DPP6: variants seen among roughly 807,000 people sequenced by gnomAD.
DPP6 encodes the protein A-type potassium channel modulatory protein DPP6.
In DPP6, 69 loss-of-function variants were observed where a neutral mutation model predicts 122.6. That is an observed-to-expected ratio of 0.56 (90% CI 0.46 to 0.69). DPP6 has a LOEUF of 0.69. Among genes scored for constraint, DPP6 ranks in the 30% least tolerant of loss-of-function variants. The pLI is 0.00. For missense variants in DPP6, 928 were observed against 1,116.9 expected, an observed-to-expected ratio of 0.83 and a Z score of 2.41; for synonymous variants, 418 against 433.1, an observed-to-expected ratio of 0.97 and a Z score of 0.43.
chr7:154,831,049 C>A (rs191110591), intron 16 of DPP6, among the ~76,000 whole-genome samples: 3 of 152,340 alleles, frequency 2.0e-5, no homozygotes, highest in Non-Finnish European at 4.4e-5. Flanking sequence ...ACCGTGTCAT[C>A]CCCACGGTGA....
intron 16 of DPP6, among the ~76,000 whole-genome samples, chr7:154,834,239 A>G (rs2316529): frequency 0.96 from 145,380 of 150,688 alleles, 70,188 homozygotes; most frequent in East Asian, 1. Flanking sequence ...AGGCCGAGGC[A>G]GGCGGATCCC....
chr7:154,657,829 A>G (rs1837370987), intron 6 of DPP6, among the ~76,000 whole-genome samples: 1 of 152,120 alleles, frequency 6.6e-6, no homozygotes, highest in African/African-American at 2.4e-5. Context: ...AAGGAAAGAG[A>G]CTGGTGGAGC....
At chr7:154,503,645 C>A (rs1284382533) in intron 3 of DPP6, among the ~76,000 whole-genome samples, 2 of 151,132 alleles carry the variant, frequency 1.3e-5, no homozygotes, top group Non-Finnish European at 1.5e-5. Flanking sequence ...TTTCAAGAAA[C>A]CTGTGACCCT....
chr7:154,875,716 C>T lies in DPP6; in HGVS notation c.1884-190C>T, dbSNP rs540144862. Among the ~76,000 whole-genome samples the T allele has an allele frequency of 3.9e-5, 6 of 152,248 alleles. No homozygotes were observed. The East Asian group carries it at 1.2e-3, about 29-fold the overall frequency. ...GGCTCTTGGAGGTCTCCTCTTCCTC[C>T]TCACTTTATGGGGTGTGGATAACAC... is the stretch of plus-strand genomic sequence containing the variant. On this transcript the variant is annotated intron_variant, in intron 19 of 25. Transcript: ENST00000377770. This position sits in a 1 kb window ranked among gnomAD's most constrained non-coding sequence, Gnocchi z 4.5.
chr7:154,860,133 C>T lies in DPP6; in HGVS notation c.1714+6306C>T, dbSNP rs369040199. Among the ~76,000 whole-genome samples the T allele has an allele frequency of 3.2e-4, 48 of 152,314 alleles. No homozygotes were observed. The East Asian group carries it at 6.8e-3, about 21-fold the overall frequency. ...GCCCAGGTGGGTCCATGAAGCAACGCCAGATGCAGTTGGTTTCCAGCCTCT... is the reference window on the plus strand; with the variant it reads ...GCCCAGGTGGGTCCATGAAGCAACGTCAGATGCAGTTGGTTTCCAGCCTCT... On this transcript the variant is annotated intron_variant, in intron 17 of 25. Transcript: ENST00000377770.
chr7:154,874,677 A>G (rs1362163097), intron 19 of DPP6, among the ~76,000 whole-genome samples: 1 of 152,156 alleles, frequency 6.6e-6, no homozygotes, highest in Non-Finnish European at 1.5e-5. Context: ...CAGCTGGGAG[A>G]GTGCCCGTGG....
chr7:154,134,579 A>G (rs1156800417), intron 1 of DPP6, among the ~76,000 whole-genome samples: 1 of 152,162 alleles, frequency 6.6e-6, no homozygotes, highest in African/African-American at 2.4e-5. Flanking sequence ...TGCAGATCCA[A>G]ATGGTGTGTG....
chr7:153,895,267 C>A (rs1045777188), intron 1 of DPP6, among the ~76,000 whole-genome samples: 2 of 152,238 alleles, frequency 1.3e-5, no homozygotes, highest in Non-Finnish European at 2.9e-5. Context: ...AAGCTGAAGG[C>A]TGCCCTCGAC....
chr7:154,616,239 T>C (rs1224477939), intron 5 of DPP6, among the ~76,000 whole-genome samples: 1 of 152,208 alleles, frequency 6.6e-6, no homozygotes, highest in Non-Finnish European at 1.5e-5. Context: ...GGAGTGGTTC[T>C]GTCTGGAGCT....
At chr7:154,629,459 GC>G (rs1393675613) in intron 5 of DPP6, among the ~76,000 whole-genome samples, 1 of 150,866 alleles carries the variant, frequency 6.6e-6, no homozygotes, top group African/African-American at 2.4e-5. Flanking sequence ...TGTCTCATCT[GC>G]CTTTTCTCTG....
chr7:153,820,352 C>A, the DPP6 span, among the ~76,000 whole-genome samples: 1 of 152,300 alleles, frequency 6.6e-6, no homozygotes, highest in Non-Finnish European at 1.5e-5. Flanking sequence ...CCTGTAATCT[C>A]AATCTTTTAA....
chr7:154,158,600 T>G (rs1796815980), intron 1 of DPP6, among the ~76,000 whole-genome samples: 1 of 152,026 alleles, frequency 6.6e-6, no homozygotes, highest in Non-Finnish European at 1.5e-5. Flanking sequence ...TTTTAAATGT[T>G]TATTCATTTA....
At chr7:154,180,341 C>CAGAT (rs1008364926) in intron 1 of DPP6, among the ~76,000 whole-genome samples, 22 of 147,744 alleles carry the variant, frequency 1.5e-4, no homozygotes, top group East Asian at 2.0e-4. Context: ...ACCCGGGAGA[C>CAGAT]AGATAGATAG....
At chr7:154,313,182 C>T (rs1008859843) in intron 1 of DPP6, among the ~76,000 whole-genome samples, 3 of 151,984 alleles carry the variant, frequency 2.0e-5, no homozygotes, top group African/African-American at 4.8e-5. Context: ...TTTTGATAAA[C>T]AGTAATGGGA....
At chr7:154,334,193 A>AG (rs1167082458) in intron 1 of DPP6, among the ~76,000 whole-genome samples, 1 of 152,068 alleles carries the variant, frequency 6.6e-6, no homozygotes, top group Non-Finnish European at 1.5e-5. Flanking sequence ...AAATGGAAAA[A>AG]AAAAAAAAAA....
intron 1 of DPP6, among the ~76,000 whole-genome samples, chr7:154,158,856 T>C (rs1796828464): frequency 6.6e-6 from 1 of 152,040 alleles, no homozygotes; most frequent in Admixed American, 6.5e-5. Context: ...GGAACATAGC[T>C]GGGCTGCTGC....
chr7:154,056,680 T>G (rs555036633), intron 1 of DPP6, among the ~76,000 whole-genome samples: 1 of 152,162 alleles, frequency 6.6e-6, no homozygotes, highest in Admixed American at 6.6e-5. Flanking sequence ...ACCCATGATG[T>G]CCACCAGCCT....
At chr7:154,401,867 C>G (rs1025631068) in intron 1 of DPP6, among the ~76,000 whole-genome samples, 1 of 152,076 alleles carries the variant, frequency 6.6e-6, no homozygotes, top group Non-Finnish European at 1.5e-5. Flanking sequence ...GGGCTAATAT[C>G]CAGAATCTAC....
Position 154,267,618 on chromosome 7 carries a change from A to G in DPP6, c.244-178596A>G, listed in dbSNP as rs896816720. On this transcript the variant is annotated intron_variant, in intron 1 of 25. Transcript: ENST00000377770. ...ATATATGTGCATGTATATATCCCTTACATATACACACATATACATGCACAC... is the reference window on the plus strand; with the variant it reads ...ATATATGTGCATGTATATATCCCTTGCATATACACACATATACATGCACAC... Among the ~76,000 whole-genome samples, 17 of 151,092 alleles carry G rather than the reference A, an allele frequency of 1.1e-4. 1 individual carries two copies. Among genetic ancestry groups the G allele is most frequent in the Admixed American group, 3.3e-4 (5 of 15,140 alleles).
Sources: allele counts gnomAD v4.1 joint callset (sites outside exome capture counted in the v4.1 genomes callset), GRCh38; gene constraint gnomAD v4.1.1; non-coding constraint Gnocchi (gnomAD v3.1); transcripts MANE v1.5; gene names NCBI Gene and HGNC (gene_info 2026-07-23, HGNC 2026-07-21).